The following ADGRB3 variants were observed in gnomAD, a reference collection of about 807,000 sequenced individuals.
ADGRB3 encodes brain-specific angiogenesis inhibitor 3.
ADGRB3 carries 37 observed loss-of-function variants against 193.4 expected under a neutral mutation model. That is an observed-to-expected ratio of 0.19 (90% CI 0.15 to 0.25). The LOEUF (loss-of-function observed/expected upper bound fraction) is 0.25. ADGRB3 is among the 10% of genes least tolerant of loss of function. The pLI, the probability that ADGRB3 is intolerant of heterozygous loss-of-function variation, is 1.00. For missense variants in ADGRB3, 1,637 were observed against 1,852.9 expected (o/e 0.88, Z 2.14); for synonymous variants, 690 against 644.2 (o/e 1.07, Z -1.08).
chr6:69,334,996 C>G lies in ADGRB3; in HGVS notation c.3188+1988C>G, dbSNP rs570952045. ...CAACAGTGGCTGCTCTTCTGAGAAGCCAGCCTGAACAGATTAGGTTGTTTT... is the reference window on the plus strand; with the variant it reads ...CAACAGTGGCTGCTCTTCTGAGAAGGCAGCCTGAACAGATTAGGTTGTTTT... On this transcript the variant is annotated intron_variant, in intron 24 of 31. Coordinates refer to ENST00000370598, the MANE Select transcript of ADGRB3 (RefSeq NM_001704.3). Among the ~76,000 whole-genome samples, 3 of 152,170 alleles carry G rather than the reference C, an allele frequency of 2.0e-5. No homozygotes were observed. In the South Asian group the frequency reaches 6.2e-4, roughly 32 times the overall value.
intron 3 of ADGRB3, among the ~76,000 whole-genome samples, chr6:68,759,783 A>G (rs1283079424): frequency 6.6e-6 from 1 of 152,112 alleles, no homozygotes; most frequent in African/African-American, 2.4e-5. Flanking sequence ...TTTCAAAAAC[A>G]AGAAAGAAAC....
intron 29 of ADGRB3, among the ~76,000 whole-genome samples, chr6:69,362,017 A>G (rs1247560917): frequency 6.6e-6 from 1 of 151,918 alleles, no homozygotes; most frequent in African/African-American, 2.4e-5. Flanking sequence ...CTGATGAAAA[A>G]CTAATTATTA....
intron 20 of ADGRB3, among the ~76,000 whole-genome samples, chr6:69,263,890 A>G (rs1766979515): frequency 6.6e-6 from 1 of 151,940 alleles, no homozygotes; most frequent in Admixed American, 6.6e-5. Flanking sequence ...GCCGAGCAAA[A>G]CTCAGCTTCC....
chr6:69,173,451 G>C (rs11760008), intron 17 of ADGRB3, among the ~76,000 whole-genome samples: 1 of 152,110 alleles, frequency 6.6e-6, no homozygotes, highest in Non-Finnish European at 1.5e-5. Flanking sequence ...ATTTACTTCT[G>C]AATTTATATT....
chr6:69,319,827 A>G (rs1768406856), intron 20 of ADGRB3, among the ~76,000 whole-genome samples: 1 of 151,444 alleles, frequency 6.6e-6, no homozygotes. Context: ...GAAGTATGTC[A>G]CATAATTACA....
chr6:68,870,812 T>C (rs140366741), intron 3 of ADGRB3, among the ~76,000 whole-genome samples: 257 of 152,290 alleles, frequency 1.7e-3, no homozygotes, highest in Middle Eastern at 0.01. Context: ...GACCAGTAAA[T>C]ATCTGTGATG....
At chr6:68,828,747 G>A (rs1767896366) in intron 3 of ADGRB3, among the ~76,000 whole-genome samples, 1 of 152,018 alleles carries the variant, frequency 6.6e-6, no homozygotes, top group African/African-American at 2.4e-5. Context: ...AATCAAATTA[G>A]GAATTAAATT....
chr6:68,904,357 A>G, intron 3 of ADGRB3, among the ~76,000 whole-genome samples: 1 of 152,168 alleles, frequency 6.6e-6, no homozygotes, highest in African/African-American at 2.4e-5. Flanking sequence ...TTTTTCAGTT[A>G]TAATCTTATG....
rs539456346 is a variant in ADGRB3 at position 69,025,107 on chromosome 6, A to T, written c.2107+6608A>T. On this transcript the variant is annotated intron_variant, in intron 13 of 31. Coordinates refer to ENST00000370598, the MANE Select transcript of ADGRB3 (RefSeq NM_001704.3). ...ACTCCGTCTCAAAAAAAAAAAAAAA[A>T]AATAAAAAATAATAAAATAAAATAA... is the stretch of plus-strand genomic sequence containing the variant. 3.6e-3 allele frequency among the ~76,000 whole-genome samples: 540 copies of T among 149,392 alleles called. 3 individuals are homozygous for T. The highest frequency in any genetic ancestry group is 0.012 in the African/African-American group (503 of 41,056).
intron 3 of ADGRB3, among the ~76,000 whole-genome samples, chr6:68,885,037 A>G (rs532624615): frequency 6.6e-6 from 1 of 152,310 alleles, no homozygotes; most frequent in East Asian, 1.9e-4. Context: ...TAACAGTTCA[A>G]TACAATAATA....
intron 20 of ADGRB3, among the ~76,000 whole-genome samples, chr6:69,274,371 T>G (rs1325062580): frequency 6.6e-6 from 1 of 152,168 alleles, no homozygotes; most frequent in Non-Finnish European, 1.5e-5. Flanking sequence ...TAGAGTTCAT[T>G]ACCGAAGCAG....
intron 3 of ADGRB3, among the ~76,000 whole-genome samples, chr6:68,890,535 A>G (rs923511516): frequency 3.9e-5 from 6 of 152,180 alleles, no homozygotes; most frequent in Non-Finnish European, 2.9e-5. Flanking sequence ...ATCTGTAATG[A>G]ATTTGTGGTT....
chr6:68,877,224 A>G lies in ADGRB3; in HGVS notation c.758-53335A>G, dbSNP rs1765617812. On this transcript the variant is annotated intron_variant, in intron 3 of 31. Coordinates refer to ENST00000370598, the MANE Select transcript of ADGRB3 (RefSeq NM_001704.3). ...GTAAAATTATATGATTGGATTCTTTATAAATAATCTACGTACTTTTTTTTT... is the reference window on the plus strand; with the variant it reads ...GTAAAATTATATGATTGGATTCTTTGTAAATAATCTACGTACTTTTTTTTT... Among the ~76,000 whole-genome samples the G allele has an allele frequency of 3.3e-5, 5 of 152,052 alleles. No individual in the cohort carries two copies. The South Asian group carries it at 1.0e-3, about 31-fold the overall frequency.
intron 17 of ADGRB3, among the ~76,000 whole-genome samples, chr6:69,101,059 A>G (rs1044355961): frequency 6.6e-6 from 1 of 151,128 alleles, no homozygotes; most frequent in Non-Finnish European, 1.5e-5. Flanking sequence ...AGGGTAACGC[A>G]TTTCCTAAAT....
chr6:69,331,482 G>T (rs1460785424), intron 23 of ADGRB3: 1 of 960,786 alleles, frequency 1.0e-6, no homozygotes, highest in African/African-American at 1.8e-5. Context: ...CAAAAAATTG[G>T]AAGGTAGTGA....
At chr6:69,020,625 G>A (rs1770236016) in intron 13 of ADGRB3, among the ~76,000 whole-genome samples, 1 of 151,928 alleles carries the variant, frequency 6.6e-6, no homozygotes, top group Admixed American at 6.6e-5. Context: ...TCTTGCCTGA[G>A]GATAGTGTGA....
chr6:68,775,343 C>A (rs1766718754), intron 3 of ADGRB3, among the ~76,000 whole-genome samples: 1 of 151,906 alleles, frequency 6.6e-6, no homozygotes, highest in South Asian at 2.1e-4. Context: ...CCCCGTGCAC[C>A]AAGGGCCATG....
chr6:68,842,144 TCTA>T (rs748778752), intron 3 of ADGRB3, among the ~76,000 whole-genome samples: 1 of 151,822 alleles, frequency 6.6e-6, no homozygotes, highest in Admixed American at 6.6e-5. Context: ...ACTATATACA[TCTA>T]CTAAGTACCC....
At chr6:68,708,968 C>G (rs1765368726) in intron 3 of ADGRB3, among the ~76,000 whole-genome samples, 1 of 152,050 alleles carries the variant, frequency 6.6e-6, no homozygotes, top group Admixed American at 6.6e-5. Flanking sequence ...GGCACAATCA[C>G]TGGGATTTTG....
Sources: gnomAD v4.1 joint callset for allele counts (sites outside exome capture counted in the v4.1 genomes callset) on GRCh38, gnomAD v4.1.1 for gene constraint, MANE v1.5 for transcripts, NCBI Gene and HGNC (gene_info 2026-07-23, HGNC 2026-07-21) for gene names.